NPEPL1: variants seen among roughly 807,000 people sequenced by gnomAD.
NPEPL1 encodes aminopeptidase like 1.
In NPEPL1, 45 loss-of-function variants were observed where a neutral mutation model predicts 52.4. That is an observed-to-expected ratio of 0.86 (90% CI 0.68 to 1.10). The LOEUF is 1.10. Among genes scored for constraint, NPEPL1 ranks in the 50% least tolerant of loss-of-function variants. The pLI, the probability that NPEPL1 is intolerant of heterozygous loss-of-function variation, is 0.00. For synonymous variants in NPEPL1, 360 were observed against 314.7 expected, an observed-to-expected ratio of 1.14 and a Z score of -1.52; for missense variants, 696 against 710.9, an observed-to-expected ratio of 0.98 and a Z score of 0.24.
Position 58,694,473 on chromosome 20 carries a change from G to C in NPEPL1, c.388G>C (p.Ala130Pro). 1 of 1,613,920 alleles carries C rather than the reference G, an allele frequency of 6.2e-7. No individual in the cohort carries two copies. Reference protein sequence around the residue: ...VFASACALARAFPLFTHRSGA... With the variant: ...VFASACALARPFPLFTHRSGA... Reference sequence around the variant, plus strand: ...TGCTTCCGCCTGTGCCCTGGCCCGGGCCTTCCCGCTGTTCACCCACCGCTC... The same window carrying C: ...TGCTTCCGCCTGTGCCCTGGCCCGGCCCTTCCCGCTGTTCACCCACCGCTC... Residue 130 changes from alanine to proline, a missense_variant, in exon 3 of 12, where the codon GCC becomes CCC. Coordinates refer to ENST00000356091, the MANE Select transcript of NPEPL1 (RefSeq NM_024663.4).
At chr20:58,711,122 T>TCCTCCCCCTCTCCTCATCCTCCCCCTC (rs1555851564) in intron 7 of NPEPL1, 1 of 46,132 alleles carries the variant, frequency 2.2e-5, no homozygotes, top group Non-Finnish European at 3.9e-5. Context: ...CTCCTCCCCC[T>TCCTCCCCCTCTCCTCATCCTCCCCCTC]CTCCTCCTCC....
At chr20:58,712,207 CAA>C (rs1049482192) in intron 7 of NPEPL1, among the ~76,000 whole-genome samples, 2 of 152,136 alleles carry the variant, frequency 1.3e-5, no homozygotes, top group African/African-American at 4.8e-5. Context: ...CCATGCAGTC[CAA>C]GAGTCCCACA....
At chr20:58,714,532 A>T in intron 10 of NPEPL1, 28 bp from the exon 11 acceptor site, 1 of 1,516,742 alleles carries the variant, frequency 6.6e-7, no homozygotes, top group South Asian at 1.2e-5. Context: ...AGCAACCCAC[A>T]GGCACTGTGT....
intron 6 of NPEPL1, among the ~76,000 whole-genome samples, chr20:58,705,336 G>T (rs2084716677): frequency 6.6e-6 from 1 of 152,168 alleles, no homozygotes; most frequent in South Asian, 2.1e-4. Flanking sequence ...CTGAGCTTCT[G>T]CTCTGACCGA....
chr20:58,709,501 C>T (rs553251818), intron 7 of NPEPL1, among the ~76,000 whole-genome samples: 5 of 152,264 alleles, frequency 3.3e-5, no homozygotes, highest in Admixed American at 1.3e-4. Flanking sequence ...GGCTTCATTC[C>T]AGGTGAGAGT....
intron 7 of NPEPL1, among the ~76,000 whole-genome samples, chr20:58,709,319 C>G (rs1306565678): frequency 6.6e-6 from 1 of 152,170 alleles, no homozygotes; most frequent in African/African-American, 2.4e-5. Context: ...CAGAATCAAT[C>G]CTCAGGGTAA....
At chr20:58,700,653 G>GATTC (rs1235097096) in intron 5 of NPEPL1, among the ~76,000 whole-genome samples, 1 of 152,242 alleles carries the variant, frequency 6.6e-6, no homozygotes, top group African/African-American at 2.4e-5. Context: ...GTGCTCAAAG[G>GATTC]ATTCAGGAAG....
In NPEPL1 at chr20:58,693,324, ACGTGG is replaced by A. The variant is rs777638561; in HGVS notation, c.150+276_150+280del. 16 of 162,254 alleles carry A rather than the reference ACGTGG, an allele frequency of 9.9e-5. 1 individual carries two copies. The East Asian group carries it at 1.8e-3, about 19-fold the overall frequency. 10.1% of individuals were successfully genotyped at this position (162,254 alleles called of 1,614,324 possible). On this transcript the variant is annotated intron_variant, in intron 1 of 11. Transcript: ENST00000356091. ...ACACCTGCGGACGGCGGGGGGGGAGACGTGGCCGCTCCCAGGGCCGCGCGTCGGCC... is the reference window on the plus strand; with the variant it reads ...ACACCTGCGGACGGCGGGGGGGGAGACCGCTCCCAGGGCCGCGCGTCGGCC...
chr20:58,708,055 G>A (rs1299181616), intron 7 of NPEPL1, among the ~76,000 whole-genome samples: 4 of 146,634 alleles, frequency 2.7e-5, no homozygotes, highest in Non-Finnish European at 5.9e-5. Context: ...CTGCACTGCA[G>A]CCTGGGAGAT....
At chr20:58,702,686 A>G (rs190179823) in intron 6 of NPEPL1, among the ~76,000 whole-genome samples, 216 of 152,332 alleles carry the variant, frequency 1.4e-3, no homozygotes, top group African/African-American at 4.9e-3. Flanking sequence ...ATGTATGTTC[A>G]GTAGGCAGAG....
chr20:58,712,791 G>C (rs1356392680), intron 8 of NPEPL1: 1 of 668,344 alleles, frequency 1.5e-6, no homozygotes. Flanking sequence ...GAGGTGCTAG[G>C]CTCCCGTGCA....
intron 3 of NPEPL1, among the ~76,000 whole-genome samples, chr20:58,697,694 C>G (rs757628270): frequency 7.9e-5 from 12 of 152,262 alleles, no homozygotes; most frequent in Non-Finnish European, 1.5e-4. Context: ...AGCCAGCTGT[C>G]TGAAGCTTCT....
At chr20:58,691,614 C>A, upstream of NPEPL1, 1 of 638,078 alleles carries the variant, frequency 1.6e-6, no homozygotes, top group Non-Finnish European at 2.7e-6. Context: ...AGCTAGGGGG[C>A]CAGCTGGGAG....
intron 5 of NPEPL1, among the ~76,000 whole-genome samples, chr20:58,699,839 G>A (rs749123831): frequency 1.4e-4 from 21 of 152,328 alleles, no homozygotes; most frequent in African/African-American, 4.3e-4. Flanking sequence ...AGAGGAAGGC[G>A]GCTGTCTGTG....
chr20:58,700,090 G>A (rs1248521286), intron 5 of NPEPL1, among the ~76,000 whole-genome samples: 2 of 152,236 alleles, frequency 1.3e-5, no homozygotes, highest in South Asian at 4.1e-4. Context: ...ATTAGCTGGA[G>A]GCAGCAGGTC....
intron 10 of NPEPL1, 60 bp downstream of exon 10, chr20:58,714,153 C>A (rs2084910515): frequency 6.7e-7 from 1 of 1,499,506 alleles, no homozygotes. Context: ...CAGGCGGAGC[C>A]CTGCCTTCAG....
chr20:58,689,867 G>A (rs935960478), upstream of NPEPL1, among the ~76,000 whole-genome samples: 6 of 152,074 alleles, frequency 3.9e-5, no homozygotes, highest in African/African-American at 1.4e-4. Flanking sequence ...AAAGCCTCAC[G>A]GGTCCTGTAG....
Position 58,692,930 on chromosome 20 carries a change from G to T in NPEPL1, c.30G>T (p.Ala10=). MANVGLQFQ[A]SAGDSDPQSR... ...CGAACGTGGGGCTGCAGTTCCAGGC[G>T]AGCGCGGGGGACTCGGACCCACAGA... Residue 10 remains alanine, a synonymous_variant, in exon 1 of 12, where the codon GCG becomes GCT. Coordinates refer to ENST00000356091, the MANE Select transcript of NPEPL1 (RefSeq NM_024663.4). This position sits in a 1 kb window ranked among gnomAD's most constrained non-coding sequence, Gnocchi z 5.7. 1 of 1,130,978 alleles carries T rather than the reference G, an allele frequency of 8.8e-7. No individual in the cohort carries two copies. The highest frequency in any genetic ancestry group is 1.1e-6 in the Non-Finnish European group (1 of 910,946). The allele number at this position is 1,130,978 out of a possible 1,614,324, so 70.1% of individuals were successfully genotyped here. A position where few individuals can be genotyped will look rare whatever the true frequency, so the allele number is the denominator to read the frequency against.
At position 58,693,832 on chromosome 20, in the gene NPEPL1, G is replaced by A; in HGVS notation, c.246G>A (p.Arg82=). 6.2e-7 allele frequency: 1 copy of A among 1,613,670 alleles called. No homozygotes were observed. Residue 82 remains arginine (R), a synonymous_variant, in exon 2 of 12, where the codon AGG becomes AGA. Transcript: ENST00000356091. Reference sequence around the variant, plus strand: ...CCACCGTGGCTGCCCTGCCCTGCAGGGTGAGCCGGCACAACAGCCCCTCGG... The same window carrying A: ...CCACCGTGGCTGCCCTGCCCTGCAGAGTGAGCCGGCACAACAGCCCCTCGG... ...NYATVAALPC[R]VSRHNSPSAA...
Sources: allele counts gnomAD v4.1 joint callset (sites outside exome capture counted in the v4.1 genomes callset), GRCh38; gene constraint gnomAD v4.1.1; non-coding constraint Gnocchi (gnomAD v3.1); transcripts MANE v1.5; gene names NCBI Gene and HGNC (gene_info 2026-07-23, HGNC 2026-07-21).